SCD5: variants seen among roughly 807,000 people sequenced by gnomAD.
SCD5 encodes acyl-CoA-desaturase 4.
In SCD5, 20 loss-of-function variants were observed where a neutral mutation model predicts 30.4. The observed-to-expected ratio is 0.66, with a 90% CI of 0.46 to 0.96. SCD5 has a LOEUF of 0.96. SCD5 is among the 40% of genes least tolerant of loss of function. The pLI, the probability that SCD5 is intolerant of heterozygous loss-of-function variation, is 0.00. For missense variants in SCD5, 381 were observed against 443.3 expected (o/e 0.86, Z 1.26); for synonymous variants, 173 against 176.4 (o/e 0.98, Z 0.16).
intron 1 of SCD5, among the ~76,000 whole-genome samples, chr4:82,740,434 C>A (rs775427841): frequency 1.3e-5 from 2 of 152,164 alleles, no homozygotes; most frequent in Non-Finnish European, 2.9e-5. Context: ...TATTATGGAG[C>A]CAGTATCAGG....
chr4:82,759,334 G>C (rs990449086), intron 1 of SCD5, among the ~76,000 whole-genome samples: 3 of 152,196 alleles, frequency 2.0e-5, no homozygotes, highest in Non-Finnish European at 4.4e-5. Flanking sequence ...CCCAAGGGCA[G>C]GGAGCGCACC....
intron 1 of SCD5, among the ~76,000 whole-genome samples, chr4:82,788,432 C>A (rs1386168573): frequency 1.3e-5 from 2 of 152,170 alleles, no homozygotes; most frequent in Non-Finnish European, 2.9e-5. Flanking sequence ...GCTCCGTCAC[C>A]CAGGCTGGAG....
chr4:82,727,166 G>A (rs1720520018), intron 1 of SCD5, among the ~76,000 whole-genome samples: 1 of 152,174 alleles, frequency 6.6e-6, no homozygotes, highest in Middle Eastern at 3.2e-3. Context: ...AGGTTCAAAT[G>A]AAACCCTAAA....
intron 1 of SCD5, among the ~76,000 whole-genome samples, chr4:82,757,653 TC>T (rs1348325029): frequency 2.6e-5 from 4 of 152,292 alleles, no homozygotes; most frequent in Admixed American, 6.5e-5. Context: ...ATATCCCGGC[TC>T]CCGCACTTAC....
chr4:82,647,244 T>C (rs1299015817), intron 3 of SCD5, among the ~76,000 whole-genome samples: 1 of 152,202 alleles, frequency 6.6e-6, no homozygotes. Flanking sequence ...TGTGTTCCCC[T>C]GATTGTTTTA....
intron 1 of SCD5, among the ~76,000 whole-genome samples, chr4:82,781,847 C>A (rs2148851533): frequency 6.6e-6 from 1 of 152,232 alleles, no homozygotes; most frequent in Middle Eastern, 3.4e-3. Context: ...TTGAAGTTAC[C>A]CAGTATTCTG....
At chr4:82,744,974 G>C (rs1047175164) in intron 1 of SCD5, among the ~76,000 whole-genome samples, 1 of 152,174 alleles carries the variant, frequency 6.6e-6, no homozygotes, top group Admixed American at 6.5e-5. Flanking sequence ...AGATACGTGA[G>C]TAAATGAGGA....
chr4:82,656,465 G>A (rs1560525640), intron 3 of SCD5, among the ~76,000 whole-genome samples: 1 of 152,130 alleles, frequency 6.6e-6, no homozygotes, highest in Admixed American at 6.5e-5. Context: ...AGTATTCCAT[G>A]GTATATATGT....
chr4:82,798,470 C>T lies in SCD5; in HGVS notation c.68G>A (p.Gly23Glu). 1 of 1,612,836 alleles carries T rather than the reference C, an allele frequency of 6.2e-7. No homozygotes were observed. Among genetic ancestry groups the T allele is most frequent in the Non-Finnish European group, 8.5e-7 (1 of 1,179,468 alleles). The part of the protein sequence containing the change: ...FCDAKEEIRA[G>E]LESSEGGGGP... The stretch of plus-strand genomic sequence containing the variant: ...GCCGCCGCCCTCAGAGCTTTCGAGC[C>T]CGGCACGGATTTCTTCCTTGGCGTC... The change falls in exon 1 of 5, where the codon GGG becomes GAG. Residue 23 changes from glycine to glutamate, a missense_variant. Transcript: ENST00000319540.
chr4:82,764,033 A>T (rs1376891724), intron 1 of SCD5, among the ~76,000 whole-genome samples: 1 of 152,118 alleles, frequency 6.6e-6, no homozygotes, highest in Admixed American at 6.5e-5. Flanking sequence ...TTGTGTCTTC[A>T]TGTTTAAAGA....
chr4:82,769,575 A>AT (rs890272867), intron 1 of SCD5, among the ~76,000 whole-genome samples: 21 of 152,176 alleles, frequency 1.4e-4, no homozygotes, highest in Admixed American at 1.0e-3. Context: ...ATATTGATGC[A>AT]TTTTTTTCTT....
intron 3 of SCD5, among the ~76,000 whole-genome samples, chr4:82,656,453 A>G (rs947238997): frequency 6.6e-6 from 1 of 152,182 alleles, no homozygotes; most frequent in African/African-American, 2.4e-5. Context: ...TTATGGCTGC[A>G]TAGTATTCCA....
intron 3 of SCD5, among the ~76,000 whole-genome samples, chr4:82,648,556 A>G (rs1727678390): frequency 6.6e-6 from 1 of 151,984 alleles, no homozygotes; most frequent in Admixed American, 6.6e-5. Flanking sequence ...AAGAGGGTCG[A>G]TTGAGGTAGG....
At chr4:82,712,297 T>TATATATACA (rs1560540874) in intron 1 of SCD5, among the ~76,000 whole-genome samples, 6 of 33,726 alleles carry the variant, frequency 1.8e-4, no homozygotes, top group African/African-American at 3.1e-4. Context: ...TATATATATA[T>TATATATACA]TTTATTTTTA....
chr4:82,708,565 C>T (rs1190587377), intron 1 of SCD5, among the ~76,000 whole-genome samples: 2 of 152,168 alleles, frequency 1.3e-5, no homozygotes, highest in Non-Finnish European at 2.9e-5. Flanking sequence ...ATGCTTGCAC[C>T]ACAAGCCCAA....
intron 1 of SCD5, among the ~76,000 whole-genome samples, chr4:82,739,604 A>C (rs1720830838): frequency 1.3e-5 from 2 of 152,224 alleles, no homozygotes; most frequent in Non-Finnish European, 2.9e-5. Context: ...AACTCACCCC[A>C]ACGATGCTCT....
chr4:82,666,441 G>C (rs555934624), intron 3 of SCD5, among the ~76,000 whole-genome samples: 4 of 152,092 alleles, frequency 2.6e-5, no homozygotes, highest in Non-Finnish European at 5.9e-5. Flanking sequence ...GCGTGAACCC[G>C]GGAGGCGGAG....
intron 3 of SCD5, among the ~76,000 whole-genome samples, chr4:82,672,170 A>G (rs1407750323): frequency 6.6e-6 from 1 of 152,150 alleles, no homozygotes; most frequent in Non-Finnish European, 1.5e-5. Flanking sequence ...AATTAAATCC[A>G]AAGTAAGAAG....
At chr4:82,742,433 G>A (rs1396002687) in intron 1 of SCD5, among the ~76,000 whole-genome samples, 1 of 152,150 alleles carries the variant, frequency 6.6e-6, no homozygotes, top group Non-Finnish European at 1.5e-5. Flanking sequence ...AACTAGAGGT[G>A]GGCACAGGAT....
Sources: gnomAD v4.1 joint callset for allele counts (sites outside exome capture counted in the v4.1 genomes callset) on GRCh38, gnomAD v4.1.1 for gene constraint, MANE v1.5 for transcripts, NCBI Gene and HGNC (gene_info 2026-07-23, HGNC 2026-07-21) for gene names.